NPIPB2: variants seen among roughly 807,000 people sequenced by gnomAD.
NPIPB2 encodes the protein nuclear pore complex-interacting protein family member B2.
A neutral mutation model predicts 30.8 loss-of-function variants in NPIPB2; 27 were observed. The ratio of observed to expected loss-of-function variants is 0.88; its 90% CI spans 0.65 to 1.21. NPIPB2 has a LOEUF of 1.21. Among genes scored for constraint, NPIPB2 ranks in the 50% most tolerant of loss-of-function variants. NPIPB2 has a pLI of 0.00. For missense variants in NPIPB2, 440 were observed against 446.2 expected, an observed-to-expected ratio of 0.99 and a Z score of 0.13; for synonymous variants, 147 against 162.0, an observed-to-expected ratio of 0.91 and a Z score of 0.70.
chr16:11,956,854 C>T lies in NPIPB2; in HGVS notation c.-583-14740G>A, dbSNP rs576914616. Among the ~76,000 whole-genome samples, 4 of 152,312 alleles carry T rather than the reference C, an allele frequency of 2.6e-5. No homozygotes were observed. The South Asian group carries it at 8.3e-4, about 32-fold the overall frequency. ...CTCAGTTGGCTTCACCCCAGGGGTACCAGGCACTAGGGGGTGGAGGACAGG... is the reference window on the plus strand; with the variant it reads ...CTCAGTTGGCTTCACCCCAGGGGTATCAGGCACTAGGGGGTGGAGGACAGG... On this transcript the variant is annotated intron_variant, in intron 1 of 5. Transcript: ENST00000538896.
At chr16:11,949,146 G>C (rs990403017) in intron 1 of NPIPB2, among the ~76,000 whole-genome samples, 5 of 152,112 alleles carry the variant, frequency 3.3e-5, no homozygotes, top group African/African-American at 9.7e-5. Context: ...AACAGAGCTA[G>C]ACCCTGTCTC....
chr16:11,975,292 C>T (rs1411009726), intron 1 of NPIPB2, among the ~76,000 whole-genome samples: 8 of 139,844 alleles, frequency 5.7e-5, no homozygotes, highest in African/African-American at 1.8e-4. Flanking sequence ...GGACTACAGG[C>T]GCCCGCCACT....
chr16:11,966,410 CT>C, intron 1 of NPIPB2: 4 of 1,496,936 alleles, frequency 2.7e-6, no homozygotes, highest in South Asian at 1.3e-5. Context: ...AGTTCCTTTT[CT>C]TTTTTTAGCG....
In NPIPB2 at chr16:11,941,100, T is replaced by C. The variant is rs1416992453; in HGVS notation, c.63+883A>G. 5.0e-6 allele frequency: 7 copies of C among 1,389,626 alleles called. No homozygotes were observed. In the African/African-American group the frequency reaches 9.8e-5, roughly 20 times the overall value. 86.1% of individuals were successfully genotyped at this position (1,389,626 alleles called of 1,614,324 possible). Reference sequence around the variant, plus strand: ...GTGCTGGGATTACAGGCCTGAGCTGTGTAATTTCATGCCGCGTGACACAGC... The same window carrying C: ...GTGCTGGGATTACAGGCCTGAGCTGCGTAATTTCATGCCGCGTGACACAGC... On this transcript the variant is annotated intron_variant, in intron 1 of 7. Transcript: ENST00000399147.
rs757709837 is a variant in NPIPB2 at position 11,927,666 on chromosome 16, G to C, written c.901C>G (p.Pro301Ala). ...GGAAGGGGAGTGAGCAGACACTCGGGAGGTGTCTTGAGATTATCATCCGCT... is the reference window on the plus strand; with the variant it reads ...GGAAGGGGAGTGAGCAGACACTCGGCAGGTGTCTTGAGATTATCATCCGCT... The change falls in exon 8 of 8, where the codon CCC becomes GCC. Residue 301 changes from proline (P) to alanine (A), a missense_variant. This residue lies in a region of NPIPB2 where 140 missense variants were observed against 116.8 expected (regional missense o/e 1.20). Transcript: ENST00000399147. 2.5e-5 allele frequency: 39 copies of C among 1,590,364 alleles called. No individual in the cohort carries two copies. In the South Asian group the frequency reaches 3.4e-4, roughly 14 times the overall value.
intron 1 of NPIPB2, among the ~76,000 whole-genome samples, chr16:11,955,078 A>C (rs1459222717): frequency 6.6e-6 from 1 of 152,058 alleles, no homozygotes; most frequent in Non-Finnish European, 1.5e-5. Context: ...TCATCTATAA[A>C]GATTTCAGAA....
At chr16:11,964,988 T>C (rs11570137) in intron 1 of NPIPB2, 33,812 of 370,250 alleles carry the variant, frequency 0.091, 2,521 homozygotes, top group Admixed American at 0.21. Flanking sequence ...GGCTTGATGC[T>C]GTGGGCTTGT....
upstream of NPIPB2, among the ~76,000 whole-genome samples, chr16:11,942,643 C>A (rs2054955412): frequency 6.6e-6 from 1 of 152,164 alleles, no homozygotes; most frequent in African/African-American, 2.4e-5. Context: ...CTGTGCATTT[C>A]AAGAAACAAA....
upstream of NPIPB2, among the ~76,000 whole-genome samples, chr16:11,946,157 G>C (rs940368014): frequency 6.6e-6 from 1 of 151,914 alleles, no homozygotes; most frequent in Non-Finnish European, 1.5e-5. Flanking sequence ...AGGCCAGAGC[G>C]GGCAGATCGC....
chr16:11,957,054 C>T (rs547029562), intron 1 of NPIPB2, among the ~76,000 whole-genome samples: 1 of 151,838 alleles, frequency 6.6e-6, no homozygotes, highest in East Asian at 1.9e-4. Context: ...TGCATTGGTG[C>T]GATCTCAGCT....
chr16:11,971,548 G>A (rs2055235902), intron 1 of NPIPB2, among the ~76,000 whole-genome samples: 1 of 152,010 alleles, frequency 6.6e-6, no homozygotes, highest in Non-Finnish European at 1.5e-5. Flanking sequence ...AGGCTGGAGT[G>A]CAGTGGCGCA....
intron 1 of NPIPB2, among the ~76,000 whole-genome samples, chr16:11,956,853 A>T (rs2055116805): frequency 6.6e-6 from 1 of 152,216 alleles, no homozygotes; most frequent in Non-Finnish European, 1.5e-5. Flanking sequence ...CCCCAGGGGT[A>T]CCAGGCACTA....
At chr16:11,927,618 C>T in exon 8 of NPIPB2, 1 of 1,603,328 alleles carries the variant, frequency 6.2e-7, no homozygotes, top group Non-Finnish European at 8.5e-7. Flanking sequence ...AGATTATCAT[C>T]CGCTGAGGGT....
At chr16:11,965,305 CTTG>C in intron 1 of NPIPB2, 6 of 1,613,794 alleles carry the variant, frequency 3.7e-6, no homozygotes, top group Non-Finnish European at 4.2e-6. Flanking sequence ...CTGTAGCTCC[CTTG>C]TTTTCTTTTT....
intron 1 of NPIPB2, among the ~76,000 whole-genome samples, chr16:11,974,449 G>A (rs563168312): frequency 1.3e-5 from 2 of 152,206 alleles, no homozygotes; most frequent in East Asian, 3.9e-4. Context: ...CCCGGGAAGC[G>A]GAGGTTGTAG....
At chr16:11,936,174 G>A (rs1357338714) in intron 2 of NPIPB2, among the ~76,000 whole-genome samples, 2 of 147,146 alleles carry the variant, frequency 1.4e-5, no homozygotes, top group Non-Finnish European at 3.0e-5. Context: ...CATGGTGGTG[G>A]GCACCTGTAA....
At chr16:11,941,176 G>A (rs141204750) in intron 1 of NPIPB2, 1 of 1,483,320 alleles carries the variant, frequency 6.7e-7, no homozygotes. Flanking sequence ...CACACAGGTG[G>A]ACTGATGGCT....
intron 2 of NPIPB2, among the ~76,000 whole-genome samples, chr16:11,935,434 C>T (rs2054852468): frequency 6.6e-6 from 1 of 152,096 alleles, no homozygotes; most frequent in Non-Finnish European, 1.5e-5. Flanking sequence ...GTGCCTCAGC[C>T]TCCCAAGTAG....
At chr16:11,973,065 C>T (rs569662685) in intron 1 of NPIPB2, among the ~76,000 whole-genome samples, 4 of 146,960 alleles carry the variant, frequency 2.7e-5, no homozygotes, top group East Asian at 4.2e-4. Flanking sequence ...GAGGCTGAGG[C>T]AGGAGACTCG....
Sources: allele counts gnomAD v4.1 joint callset (sites outside exome capture counted in the v4.1 genomes callset), GRCh38; gene constraint gnomAD v4.1.1; regional missense constraint gnomAD v4.1.1; transcripts MANE v1.5; gene names NCBI Gene and HGNC (gene_info 2026-07-23, HGNC 2026-07-21).